Variants in PRKN observed in about 807,000 individuals in gnomAD.
PRKN encodes parkin RBR E3 ubiquitin protein ligase.
A neutral mutation model predicts 59.5 loss-of-function variants in PRKN; 56 were observed. The ratio of observed to expected loss-of-function variants is 0.94; its 90% CI spans 0.76 to 1.18. The LOEUF is 1.18. PRKN is among the 50% of genes most tolerant of loss of function. The pLI is 0.00. For missense variants in PRKN, 657 were observed against 596.4 expected, an observed-to-expected ratio of 1.10 and a Z score of -1.06; for synonymous variants, 250 against 222.1, an observed-to-expected ratio of 1.13 and a Z score of -1.12.
At chr6:162,200,572 G>C (rs1011598461) in intron 4 of PRKN, among the ~76,000 whole-genome samples, 1 of 152,128 alleles carries the variant, frequency 6.6e-6, no homozygotes, top group Admixed American at 6.5e-5. Context: ...CCAACTTTGC[G>C]TCAGGGGCTG....
chr6:161,733,459 G>A (rs542701131), intron 7 of PRKN, among the ~76,000 whole-genome samples: 12 of 152,138 alleles, frequency 7.9e-5, no homozygotes, highest in South Asian at 6.2e-4. Flanking sequence ...AACTGCATTC[G>A]CATTTCTTGG....
At chr6:162,243,092 A>G (rs1779053207) in intron 3 of PRKN, among the ~76,000 whole-genome samples, 2 of 152,034 alleles carry the variant, frequency 1.3e-5, no homozygotes. Flanking sequence ...AGCTAAAAGC[A>G]TATGCTATGA....
At chr6:161,935,011 C>G (rs1440978196) in intron 6 of PRKN, among the ~76,000 whole-genome samples, 1 of 152,094 alleles carries the variant, frequency 6.6e-6, no homozygotes, top group Non-Finnish European at 1.5e-5. Flanking sequence ...ATTTTCAGAT[C>G]TGAAGAAACA....
At chr6:162,555,460 A>G (rs530382301) in intron 1 of PRKN, among the ~76,000 whole-genome samples, 3 of 152,284 alleles carry the variant, frequency 2.0e-5, no homozygotes, top group Admixed American at 2.0e-4. Flanking sequence ...GAAAAACTTA[A>G]AACATTACCC....
chr6:162,281,829 T>C (rs1365069982), intron 2 of PRKN, among the ~76,000 whole-genome samples: 6 of 152,170 alleles, frequency 3.9e-5, no homozygotes, highest in African/African-American at 7.2e-5. Context: ...TGAATCTTTT[T>C]GGCACCAGGG....
chr6:161,867,289 T>C (rs573329520), intron 6 of PRKN, among the ~76,000 whole-genome samples: 2 of 152,352 alleles, frequency 1.3e-5, no homozygotes, highest in East Asian at 3.9e-4. Context: ...ATATATTCCC[T>C]TCTGCAACTA....
intron 2 of PRKN, among the ~76,000 whole-genome samples, chr6:162,396,768 A>C (rs189040594): frequency 1.5e-4 from 23 of 152,256 alleles, no homozygotes; most frequent in Non-Finnish European, 2.1e-4. Context: ...ACACACACAC[A>C]TTTATACAAA....
chr6:161,734,047 T>G (rs1203808386), intron 7 of PRKN, among the ~76,000 whole-genome samples: 1 of 148,384 alleles, frequency 6.7e-6, no homozygotes, highest in Non-Finnish European at 1.5e-5. Flanking sequence ...AACAAAGAAG[T>G]GTATCATAAG....
chr6:161,911,135 C>T (rs2128237025), intron 6 of PRKN, among the ~76,000 whole-genome samples: 1 of 152,210 alleles, frequency 6.6e-6, no homozygotes, highest in South Asian at 2.1e-4. Context: ...ATGGTATTTT[C>T]ATTTGTCTCA....
chr6:161,755,866 T>C (rs1412450248), intron 7 of PRKN, among the ~76,000 whole-genome samples: 1 of 152,002 alleles, frequency 6.6e-6, no homozygotes, highest in Non-Finnish European at 1.5e-5. Context: ...AAACAGACTC[T>C]CCCCTACAGG....
intron 6 of PRKN, among the ~76,000 whole-genome samples, chr6:161,838,855 T>C (rs1381846650): frequency 1.3e-5 from 2 of 152,144 alleles, no homozygotes; most frequent in Non-Finnish European, 2.9e-5. Flanking sequence ...AGGACCGAGT[T>C]ATAGGTCAAG....
intron 5 of PRKN, among the ~76,000 whole-genome samples, chr6:162,043,736 G>T (rs776102205): frequency 6.6e-6 from 1 of 152,188 alleles, no homozygotes. Context: ...CAACAGAAAA[G>T]GGTCCTCAGT....
intron 1 of PRKN, among the ~76,000 whole-genome samples, chr6:162,548,984 C>CGT (rs1249479019): frequency 7.9e-6 from 1 of 125,834 alleles, no homozygotes; most frequent in Non-Finnish European, 1.8e-5. Context: ...CCCATCATAT[C>CGT]GTTCCATCTG....
chr6:162,554,359 C>T (rs928005774), intron 1 of PRKN, among the ~76,000 whole-genome samples: 6 of 151,752 alleles, frequency 4.0e-5, no homozygotes, highest in South Asian at 2.1e-4. Context: ...CAAAATTAGC[C>T]GGGCGTGGTG....
At chr6:161,649,138 G>A (rs981107647) in intron 7 of PRKN, among the ~76,000 whole-genome samples, 2 of 152,180 alleles carry the variant, frequency 1.3e-5, no homozygotes, top group African/African-American at 4.8e-5. Flanking sequence ...AGAAAGTGTT[G>A]AAAAGACAGT....
intron 6 of PRKN, among the ~76,000 whole-genome samples, chr6:161,890,135 T>C (rs1795288631): frequency 6.6e-6 from 1 of 152,238 alleles, no homozygotes; most frequent in Admixed American, 6.5e-5. Flanking sequence ...GATTTATTCA[T>C]TCAAATCCTA....
At chr6:162,622,790 TGAGC>T (rs1222726536) in intron 1 of PRKN, among the ~76,000 whole-genome samples, 1 of 152,176 alleles carries the variant, frequency 6.6e-6, no homozygotes, top group East Asian at 1.9e-4. Flanking sequence ...GTGGGTTTCA[TGAGC>T]GGAAAAGCAG....
intron 4 of PRKN, among the ~76,000 whole-genome samples, chr6:162,181,034 G>A (rs535338318): frequency 5.9e-5 from 9 of 152,352 alleles, no homozygotes; most frequent in African/African-American, 2.2e-4. Flanking sequence ...ACATTTGTAA[G>A]CTTATTTGTT....
At chr6:162,031,618 C>T (rs1388824002) in intron 5 of PRKN, among the ~76,000 whole-genome samples, 1 of 151,358 alleles carries the variant, frequency 6.6e-6, no homozygotes, top group South Asian at 2.1e-4. Flanking sequence ...TCACTGTAAC[C>T]TCCACCTCCA....
Sources: gnomAD v4.1 joint callset for allele counts (sites outside exome capture counted in the v4.1 genomes callset) on GRCh38, gnomAD v4.1.1 for gene constraint, MANE v1.5 for transcripts, NCBI Gene and HGNC (gene_info 2026-07-23, HGNC 2026-07-21) for gene names.